PTPRN2: variants seen among roughly 807,000 people sequenced by gnomAD.
PTPRN2 encodes the protein protein tyrosine phosphatase receptor type N2.
A neutral mutation model predicts 118.8 loss-of-function variants in PTPRN2; 74 were observed. That is an observed-to-expected ratio of 0.62 (90% CI 0.52 to 0.76). PTPRN2 has a LOEUF of 0.76. Ranked by LOEUF, PTPRN2 falls within the 30% of genes least tolerant of loss-of-function variation. The pLI is 0.00. For missense variants in PTPRN2, 1,481 were observed against 1,394.4 expected, an observed-to-expected ratio of 1.06 and a Z score of -0.99; for synonymous variants, 641 against 608.0, an observed-to-expected ratio of 1.05 and a Z score of -0.80.
intron 2 of PTPRN2, among the ~76,000 whole-genome samples, chr7:158,333,690 C>A (rs1436725363): frequency 1.2e-4 from 18 of 149,554 alleles, no homozygotes; most frequent in Non-Finnish European, 2.5e-4. Flanking sequence ...TCACTCACAC[C>A]CACACTGTCA....
Position 157,674,642 on chromosome 7 carries a change from C to T in PTPRN2, c.2001+8083G>A, listed in dbSNP as rs1286023347. Among the ~76,000 whole-genome samples the T allele has an allele frequency of 6.6e-6, 1 of 152,240 alleles. No individual in the cohort carries two copies. The highest frequency in any genetic ancestry group is 1.5e-5 in the Non-Finnish European group (1 of 68,036). ...GCCATTCACCACAGAGGCGCATTCTCTCTCGTGCCCATCAAGGCAGAGGCT... is the reference window on the plus strand; with the variant it reads ...GCCATTCACCACAGAGGCGCATTCTTTCTCGTGCCCATCAAGGCAGAGGCT... On this transcript the variant is annotated intron_variant, in intron 13 of 22. Coordinates refer to ENST00000389418, the MANE Select transcript of PTPRN2 (RefSeq NM_002847.5). The surrounding 1 kb of genome is among the most constrained non-coding windows in gnomAD (Gnocchi z 4.5).
chr7:157,939,695 T>C (rs187646267), intron 11 of PTPRN2, among the ~76,000 whole-genome samples: 13 of 152,386 alleles, frequency 8.5e-5, no homozygotes, highest in African/African-American at 3.1e-4. Flanking sequence ...AACTCCTCAG[T>C]CCAGCTTCCC....
chr7:157,842,400 A>T (rs963848657), intron 12 of PTPRN2, among the ~76,000 whole-genome samples: 23 of 144,300 alleles, frequency 1.6e-4, no homozygotes, highest in Non-Finnish European at 2.5e-4. Flanking sequence ...TTGTGTGCAG[A>T]TTCAGGAGAC....
At chr7:158,108,239 TATAGCCCCACAA>T (rs372311521) in intron 10 of PTPRN2, among the ~76,000 whole-genome samples, 165 of 150,750 alleles carry the variant, frequency 1.1e-3, no homozygotes, top group African/African-American at 3.7e-3. Context: ...ACTCACCCAC[TATAGCCCCACAA>T]ATAGCCCCCC....
At chr7:158,333,446 G>T (rs1318444887) in intron 2 of PTPRN2, among the ~76,000 whole-genome samples, 1 of 145,460 alleles carries the variant, frequency 6.9e-6, no homozygotes, top group Non-Finnish European at 1.5e-5. Context: ...GACACCTGCA[G>T]ACGTCTCTCA....
chr7:158,428,752 A>T (rs1168904026), intron 2 of PTPRN2, among the ~76,000 whole-genome samples: 3 of 152,298 alleles, frequency 2.0e-5, no homozygotes, highest in East Asian at 3.9e-4. Context: ...TCAGTGACAG[A>T]GTTCCTTCCT....
chr7:158,098,980 C>T (rs1302506800), intron 10 of PTPRN2, among the ~76,000 whole-genome samples: 3 of 36,588 alleles, frequency 8.2e-5, no homozygotes, highest in Admixed American at 2.5e-4. Context: ...CTGGGTTCCG[C>T]ATCCCGGCTG....
At chr7:157,818,065 GGT>G (rs1252315068) in intron 12 of PTPRN2, among the ~76,000 whole-genome samples, 1 of 126,432 alleles carries the variant, frequency 7.9e-6, no homozygotes, top group East Asian at 3.1e-4. Flanking sequence ...TGGCATGTGT[GGT>G]GTGTGTGGTG....
At position 157,562,845 on chromosome 7, in the gene PTPRN2, G is replaced by C. The variant is rs543169304; in HGVS notation, c.2902+6057C>G. 1.4e-3 allele frequency among the ~76,000 whole-genome samples: 189 copies of C among 133,426 alleles called. 1 individual carries two copies. The highest frequency in any genetic ancestry group is 5.4e-3 in the African/African-American group (183 of 34,056). 87.5% of individuals were successfully genotyped at this position (133,426 alleles called of 152,430 possible). A position where few individuals can be genotyped will look rare whatever the true frequency, so the allele number is the denominator to read the frequency against. ...GTGCTCCACGTCACCACACGCAGCA[G>C]ATCAGGACCACGTGCTCCCATGTCA... On this transcript the variant is annotated intron_variant, in intron 21 of 22. Transcript: ENST00000389418.
At chr7:157,930,431 T>C (rs532707113) in intron 11 of PTPRN2, among the ~76,000 whole-genome samples, 34 of 152,240 alleles carry the variant, frequency 2.2e-4, no homozygotes, top group Non-Finnish European at 4.0e-4. Flanking sequence ...CTTTGTGGGG[T>C]GCAATCATTT....
rs528670119 is a variant in PTPRN2 at position 157,560,331 on chromosome 7, T to C, written c.2902+8571A>G. On this transcript the variant is annotated intron_variant, in intron 21 of 22. Transcript: ENST00000389418. This position sits in a 1 kb window ranked among gnomAD's most constrained non-coding sequence, Gnocchi z 6.7. ...GACCCCCGAGGAGACCATCGAAGGATGGTGGGCAGTGCTGCCCACACGGAT... is the reference window on the plus strand; with the variant it reads ...GACCCCCGAGGAGACCATCGAAGGACGGTGGGCAGTGCTGCCCACACGGAT... 6.6e-6 allele frequency among the ~76,000 whole-genome samples: 1 copy of C among 152,210 alleles called. No homozygotes were observed. Among genetic ancestry groups the C allele is most frequent in the South Asian group, 2.1e-4 (1 of 4,822 alleles).
intron 11 of PTPRN2, among the ~76,000 whole-genome samples, chr7:158,071,117 G>A (rs1462748657): frequency 6.4e-5 from 6 of 94,170 alleles, no homozygotes; most frequent in Non-Finnish European, 1.3e-4. Context: ...GGTGGTGGAG[G>A]TGCCCGTGGT....
chr7:158,069,091 C>T (rs1257474888), intron 11 of PTPRN2, among the ~76,000 whole-genome samples: 3 of 152,206 alleles, frequency 2.0e-5, no homozygotes, highest in Non-Finnish European at 4.4e-5. Context: ...CTCATCTTGA[C>T]ACTGAAGACA....
chr7:158,522,682 A>G (rs923793670), intron 1 of PTPRN2, among the ~76,000 whole-genome samples: 9 of 152,222 alleles, frequency 5.9e-5, no homozygotes, highest in African/African-American at 2.2e-4. Context: ...TGAGGGCATC[A>G]GCATGGTCTG....
chr7:157,961,688 T>A (rs1017635271), intron 11 of PTPRN2, among the ~76,000 whole-genome samples: 1 of 152,238 alleles, frequency 6.6e-6, no homozygotes, highest in African/African-American at 2.4e-5. Context: ...TCTCTATTCT[T>A]CAGTTTCCTG....
At chr7:157,720,854 C>T (rs549271778) in intron 12 of PTPRN2, among the ~76,000 whole-genome samples, 15 of 152,350 alleles carry the variant, frequency 9.8e-5, no homozygotes, top group African/African-American at 2.2e-4. Context: ...CAGGGGACAC[C>T]GTGTGACTGG....
At chr7:158,487,161 C>T (rs545791015) in intron 2 of PTPRN2, among the ~76,000 whole-genome samples, 50 of 152,360 alleles carry the variant, frequency 3.3e-4, no homozygotes, top group Middle Eastern at 3.4e-3. Flanking sequence ...CCACGTTTCA[C>T]TTGTCCATTC....
chr7:158,250,982 T>C (rs1376227426), intron 3 of PTPRN2, among the ~76,000 whole-genome samples: 1 of 151,952 alleles, frequency 6.6e-6, no homozygotes, highest in African/African-American at 2.4e-5. Context: ...TTTTACTTGA[T>C]TGTAACAAGT....
Position 157,801,776 on chromosome 7 carries a change from G to A in PTPRN2, c.1788+96897C>T, listed in dbSNP as rs1357732612. ...CTGGGAAGGAAAACGCCCGCTTAGT[G>A]GAAGAACAGAACGGCCGCACAGAAA... On this transcript the variant is annotated intron_variant, in intron 12 of 22. Coordinates refer to ENST00000389418, the MANE Select transcript of PTPRN2 (RefSeq NM_002847.5). The surrounding 1 kb of genome is among the most constrained non-coding windows in gnomAD (Gnocchi z 4.2). Among the ~76,000 whole-genome samples, 1 of 152,174 alleles carries A rather than the reference G, an allele frequency of 6.6e-6. No individual in the cohort carries two copies. Among genetic ancestry groups the A allele is most frequent in the African/African-American group, 2.4e-5 (1 of 41,432 alleles).
Sources: gnomAD v4.1 joint callset for allele counts (sites outside exome capture counted in the v4.1 genomes callset) on GRCh38, gnomAD v4.1.1 for gene constraint, Gnocchi (gnomAD v3.1) non-coding constraint, MANE v1.5 for transcripts, NCBI Gene and HGNC (gene_info 2026-07-23, HGNC 2026-07-21) for gene names.